Variants in NBEA observed in about 807,000 individuals in gnomAD.
The protein encoded by NBEA is neurobeachin.
Under a neutral mutation model 343.4 loss-of-function variants are expected in NBEA, and 44 were observed. The observed-to-expected ratio is 0.13, with a 90% CI of 0.10 to 0.16. The LOEUF is 0.16. Among genes scored for constraint, NBEA ranks in the 10% least tolerant of loss-of-function variants. The pLI, the probability that NBEA is intolerant of heterozygous loss-of-function variation, is 1.00. For synonymous variants in NBEA, 1,175 were observed against 1,238.7 expected (o/e 0.95, Z 1.08); for missense variants, 2,555 against 3,631.3 (o/e 0.70, Z 7.62).
At chr13:35,409,135 A>G (rs924121857) in intron 38 of NBEA, among the ~76,000 whole-genome samples, 2 of 152,206 alleles carry the variant, frequency 1.3e-5, no homozygotes, top group African/African-American at 2.4e-5. Context: ...AAAATGTGGT[A>G]CATATACACC....
At chr13:35,578,234 A>G (rs1170810455) in intron 45 of NBEA, among the ~76,000 whole-genome samples, 1 of 152,128 alleles carries the variant, frequency 6.6e-6, no homozygotes, top group African/African-American at 2.4e-5. Context: ...TAGCAACATG[A>G]TCTTCATTTG....
chr13:35,105,797 A>G (rs1238548236), intron 11 of NBEA, among the ~76,000 whole-genome samples: 6 of 151,996 alleles, frequency 3.9e-5, no homozygotes, highest in Non-Finnish European at 8.8e-5. Flanking sequence ...TGGATAATAG[A>G]CTATAAGGTA....
At chr13:34,962,099 G>A (rs1323556568) in intron 1 of NBEA, among the ~76,000 whole-genome samples, 5 of 151,990 alleles carry the variant, frequency 3.3e-5, no homozygotes, top group Non-Finnish European at 7.4e-5. Flanking sequence ...CTAATAGAAA[G>A]TTTGAAGTTA....
At chr13:35,646,570 A>G (rs1052159555) in intron 51 of NBEA, among the ~76,000 whole-genome samples, 6 of 152,196 alleles carry the variant, frequency 3.9e-5, no homozygotes, top group Admixed American at 6.5e-5. Flanking sequence ...ATTCACAAAA[A>G]TAGCCATCTT....
rs559455725 is a variant in NBEA, at chr13:35,254,555, C to T, written c.5776+21936C>T. Among the ~76,000 whole-genome samples, 4 of 152,074 alleles carry T rather than the reference C, an allele frequency of 2.6e-5. No homozygotes were observed. The South Asian group carries it at 8.3e-4, about 32-fold the overall frequency. On this transcript the variant is annotated intron_variant, in intron 34 of 58. Transcript: ENST00000379939. ...AAAGCTGGTCTTGAATTCCTGGGCT[C>T]AAGCAGTCCTTCCACCTCAGCCTCC...
intron 33 of NBEA, among the ~76,000 whole-genome samples, chr13:35,218,619 A>C (rs552375295): frequency 6.6e-6 from 1 of 151,716 alleles, no homozygotes; most frequent in Admixed American, 6.6e-5. Flanking sequence ...ATCATTAACT[A>C]TGATGCTTCT....
intron 34 of NBEA, among the ~76,000 whole-genome samples, chr13:35,271,301 A>C (rs1490488132): frequency 6.6e-6 from 1 of 152,208 alleles, no homozygotes; most frequent in Non-Finnish European, 1.5e-5. Flanking sequence ...ACAGAAAGGA[A>C]TAACATCAAC....
chr13:35,354,576 C>A (rs1425977238), intron 38 of NBEA, among the ~76,000 whole-genome samples: 1 of 151,958 alleles, frequency 6.6e-6, no homozygotes, highest in Non-Finnish European at 1.5e-5. Context: ...TCTTTCCTTG[C>A]ACATTAGTTT....
chr13:35,352,648 TA>T (rs940120517), intron 38 of NBEA, among the ~76,000 whole-genome samples: 49 of 152,198 alleles, frequency 3.2e-4, no homozygotes, highest in African/African-American at 1.1e-3. Context: ...TGGCTCTTTT[TA>T]AAAAAGAATC....
At chr13:35,581,826 A>T (rs1366924703) in intron 45 of NBEA, among the ~76,000 whole-genome samples, 1 of 149,872 alleles carries the variant, frequency 6.7e-6, no homozygotes, top group Non-Finnish European at 1.5e-5. Context: ...TGGCACATGT[A>T]TACATATGTA....
chr13:35,196,032 C>A lies in NBEA; in HGVS notation c.5096C>A (p.Ala1699Asp). Residue 1699 changes from alanine (A) to aspartate (D), a missense_variant, in exon 31 of 59, where the codon GCC becomes GAC. Physicochemically the swap from Ala to Asp is moderately radical, Grantham distance 126. This residue lies in a region of NBEA where 270 missense variants were observed against 293.3 expected (regional missense o/e 0.92). Coordinates refer to ENST00000379939, the MANE Select transcript of NBEA (RefSeq NM_001385012.1). ...AELETSTGPD[A>D]MSELLSTLSS... ...TTAGAAACAAGTACAGGCCCTGATG[C>A]CATGAGTGAACTCTTATCCACTTTG... 1 of 1,613,602 alleles carries A rather than the reference C, an allele frequency of 6.2e-7. No homozygotes were observed. The highest frequency in any genetic ancestry group is 8.5e-7 in the Non-Finnish European group (1 of 1,179,716).
At chr13:35,032,707 G>A (rs916478141) in intron 1 of NBEA, among the ~76,000 whole-genome samples, 1 of 151,736 alleles carries the variant, frequency 6.6e-6, no homozygotes, top group South Asian at 2.1e-4. Flanking sequence ...TTTAACTGGG[G>A]TGAGATGATA....
In NBEA at chr13:35,165,048, G is replaced by A. The variant is rs375237356; in HGVS notation, c.4233+539G>A. The A allele has an allele frequency of 9.2e-4, 492 of 533,110 alleles. 1 individual carries two copies. The highest frequency in any genetic ancestry group is 2.0e-3 in the Admixed American group (103 of 51,392). The allele number at this position is 533,110 out of a possible 1,614,324, so 33.0% of individuals were successfully genotyped here. On this transcript the variant is annotated intron_variant, in intron 24 of 58. Coordinates refer to ENST00000379939, the MANE Select transcript of NBEA (RefSeq NM_001385012.1). ...ACCAAGGCAGACTCCATAGCTACTT[G>A]CTCAGATGGGAAAGAATATAGAATT... is the stretch of plus-strand genomic sequence containing the variant.
intron 38 of NBEA, among the ~76,000 whole-genome samples, chr13:35,407,330 C>T (rs188845945): frequency 6.9e-4 from 105 of 152,010 alleles, no homozygotes; most frequent in African/African-American, 2.5e-3. Flanking sequence ...CCACTTTATT[C>T]CTTCAGATAC....
chr13:35,370,068 C>G (rs993486681), intron 38 of NBEA, among the ~76,000 whole-genome samples: 4 of 151,798 alleles, frequency 2.6e-5, no homozygotes, highest in Admixed American at 6.6e-5. Flanking sequence ...AGTTTAAATT[C>G]AATTTTTTGT....
At chr13:35,020,905 A>T (rs561742321) in intron 1 of NBEA, among the ~76,000 whole-genome samples, 12 of 152,250 alleles carry the variant, frequency 7.9e-5, no homozygotes, top group African/African-American at 2.9e-4. Flanking sequence ...TGAAATTTCA[A>T]CAAAAATTGT....
At chr13:35,471,030 G>C (rs1329600987) in intron 40 of NBEA, among the ~76,000 whole-genome samples, 1 of 152,164 alleles carries the variant, frequency 6.6e-6, no homozygotes, top group Non-Finnish European at 1.5e-5. Flanking sequence ...CTCATCGGGG[G>C]ATCGAGAGCA....
intron 38 of NBEA, among the ~76,000 whole-genome samples, chr13:35,374,228 G>T (rs2041615013): frequency 1.3e-5 from 2 of 152,210 alleles, no homozygotes; most frequent in South Asian, 4.2e-4. Context: ...TAATGGGGAG[G>T]CCCAAGAAGA....
chr13:35,074,324 A>G (rs959299928), intron 10 of NBEA, among the ~76,000 whole-genome samples: 1 of 152,092 alleles, frequency 6.6e-6, no homozygotes, highest in Admixed American at 6.6e-5. Context: ...TTGAGTACAT[A>G]TTTTTCTTAC....
Sources: allele counts gnomAD v4.1 joint callset (sites outside exome capture counted in the v4.1 genomes callset), GRCh38; gene constraint gnomAD v4.1.1; regional missense constraint gnomAD v4.1.1; transcripts MANE v1.5; gene names NCBI Gene and HGNC (gene_info 2026-07-23, HGNC 2026-07-21).